Variants in PTPRA observed in about 807,000 individuals in gnomAD.
PTPRA encodes the protein protein tyrosine phosphatase receptor type A.
In PTPRA, 25 loss-of-function variants were observed where a neutral mutation model predicts 104.8. The observed-to-expected ratio is 0.24, with a 90% confidence interval of 0.17 to 0.33. The LOEUF (loss-of-function observed/expected upper bound fraction) is 0.33, where lower values mean the gene tolerates loss of function less well. Among genes scored for constraint, PTPRA ranks in the 10% least tolerant of loss-of-function variants. PTPRA has a pLI of 1.00. For missense variants in PTPRA, 765 were observed against 1,015.3 expected (o/e 0.75, Z 3.35); for synonymous variants, 323 against 368.9 (o/e 0.88, Z 1.43).
intron 6 of PTPRA, among the ~76,000 whole-genome samples, chr20:2,976,587 A>G (rs1418113388): frequency 2.0e-5 from 3 of 152,254 alleles, no homozygotes; most frequent in Non-Finnish European, 4.4e-5. Context: ...TCTTAAGTCA[A>G]AAAATAATTT....
intron 1 of PTPRA, among the ~76,000 whole-genome samples, chr20:2,910,213 A>G (rs1342366581): frequency 1.1e-5 from 1 of 91,924 alleles, no homozygotes; most frequent in Non-Finnish European, 2.1e-5. Flanking sequence ...ACTATATTGT[A>G]TATGATATAT....
chr20:2,947,939 C>T (rs1346194273), intron 2 of PTPRA, 43 bp from the exon 3 acceptor site: 2 of 892,796 alleles, frequency 2.2e-6, no homozygotes, highest in East Asian at 1.2e-4. Flanking sequence ...TTCACATAAC[C>T]TAGATACTCC....
At chr20:2,906,317 G>T (rs778167269) in intron 1 of PTPRA, among the ~76,000 whole-genome samples, 1 of 152,268 alleles carries the variant, frequency 6.6e-6, no homozygotes, top group Middle Eastern at 3.4e-3. Flanking sequence ...AGTCCTATTT[G>T]TGTTAGATAA....
chr20:2,955,169 T>C (rs2061493267), intron 3 of PTPRA, among the ~76,000 whole-genome samples: 1 of 152,250 alleles, frequency 6.6e-6, no homozygotes, highest in African/African-American at 2.4e-5. Flanking sequence ...TTTTTTACTT[T>C]ATGCAGATAA....
At chr20:2,932,123 G>C (rs1203273942) in intron 2 of PTPRA, among the ~76,000 whole-genome samples, 1 of 152,170 alleles carries the variant, frequency 6.6e-6, no homozygotes, top group Non-Finnish European at 1.5e-5. Context: ...GTGTCAAAGA[G>C]AACCAGGAAA....
chr20:2,991,109 T>C (rs1022014689), intron 9 of PTPRA, among the ~76,000 whole-genome samples: 1 of 152,136 alleles, frequency 6.6e-6, no homozygotes, highest in Non-Finnish European at 1.5e-5. Context: ...ATCCCAGCAC[T>C]TTGGGAGGCC....
rs575270752 is a variant in PTPRA, at chr20:2,915,081, CT to C, written c.-128-8114del. Reference sequence around the variant, plus strand: ...CATGTATCAGTACTTCATTCTTCTTCTTTTTTTTTTTTAAAGAGTTGGGGGT... The same window carrying C: ...CATGTATCAGTACTTCATTCTTCTTCTTTTTTTTTTTAAAGAGTTGGGGGT... On this transcript the variant is annotated intron_variant, in intron 1 of 23. Coordinates refer to ENST00000399903, the MANE Select transcript of PTPRA (RefSeq NM_001385305.1). Among the ~76,000 whole-genome samples the C allele has an allele frequency of 1.0e-3, 144 of 144,658 alleles. 1 individual carries two copies. The highest frequency in any genetic ancestry group is 3.6e-3 in the East Asian group (18 of 5,026). The allele number at this position is 144,658 out of a possible 152,430, so 94.9% of individuals were successfully genotyped here.
Position 2,879,144 on chromosome 20 carries a change from G to C in PTPRA, c.-129+5384G>C, listed in dbSNP as rs189269099. 2.2e-3 allele frequency among the ~76,000 whole-genome samples: 337 copies of C among 152,298 alleles called. 1 individual carries two copies. The highest frequency in any genetic ancestry group is 7.1e-3 in the African/African-American group (293 of 41,552). ...ATGGTAATTATAGATGTGATGAAAG[G>C]GGAAGAATAGGGTGTCGGGAGTGTC... On this transcript the variant is annotated intron_variant, in intron 1 of 23. Transcript: ENST00000399903.
intron 9 of PTPRA, among the ~76,000 whole-genome samples, chr20:2,989,824 T>C (rs967166932): frequency 2.0e-5 from 3 of 152,106 alleles, no homozygotes; most frequent in East Asian, 1.9e-4. Flanking sequence ...GAGACCATCC[T>C]GGCTAACACA....
intron 5 of PTPRA, among the ~76,000 whole-genome samples, chr20:2,971,311 C>CT (rs202178717): frequency 3.9e-4 from 58 of 149,090 alleles, no homozygotes; most frequent in Admixed American, 8.0e-4. Flanking sequence ...TTTCTGAAGT[C>CT]TTTTTTTTTT....
At chr20:3,021,679 G>A (rs1055283154) in intron 14 of PTPRA, among the ~76,000 whole-genome samples, 5 of 152,242 alleles carry the variant, frequency 3.3e-5, no homozygotes, top group Non-Finnish European at 5.9e-5. Context: ...TGGAAAGGGA[G>A]CATGGGGAGG....
chr20:3,031,725 T>C (rs971409835), intron 20 of PTPRA, among the ~76,000 whole-genome samples: 3 of 151,958 alleles, frequency 2.0e-5, no homozygotes, highest in Non-Finnish European at 4.4e-5. Context: ...ATGCCTCCAC[T>C]TTCTCAACAT....
Position 3,002,108 on chromosome 20 carries a change from C to G in PTPRA, c.739-2948C>G, listed in dbSNP as rs796436927. On this transcript the variant is annotated intron_variant, in intron 9 of 23. Transcript: ENST00000399903. ...TGAGCTATGATGGCGCCACTGCACT[C>G]CAGCCTGGGTGACAGAGCGAGACCC... is the stretch of plus-strand genomic sequence containing the variant. Among the ~76,000 whole-genome samples, 22 of 152,194 alleles carry G rather than the reference C, an allele frequency of 1.4e-4. 1 individual carries two copies. Among genetic ancestry groups the G allele is most frequent in the African/African-American group, 5.1e-4 (21 of 41,526 alleles).
At chr20:2,920,107 C>T (rs1185285439) in intron 1 of PTPRA, among the ~76,000 whole-genome samples, 1 of 152,190 alleles carries the variant, frequency 6.6e-6, no homozygotes, top group Admixed American at 6.5e-5. Flanking sequence ...AGTTTGCTAA[C>T]TCAATGAGTA....
At chr20:2,911,219 T>G (rs1471700604) in intron 1 of PTPRA, among the ~76,000 whole-genome samples, 1 of 152,180 alleles carries the variant, frequency 6.6e-6, no homozygotes, top group African/African-American at 2.4e-5. Context: ...TTCCTAGTTT[T>G]GTTAAGTGTT....
At chr20:2,933,977 T>C (rs2060600035) in intron 2 of PTPRA, among the ~76,000 whole-genome samples, 2 of 152,230 alleles carry the variant, frequency 1.3e-5, no homozygotes, top group African/African-American at 4.8e-5. Context: ...TTATTGGTAC[T>C]TATTTACATT....
chr20:2,997,978 A>C (rs766586030), intron 9 of PTPRA, among the ~76,000 whole-genome samples: 60 of 152,216 alleles, frequency 3.9e-4, no homozygotes, highest in Non-Finnish European at 7.8e-4. Context: ...AATTTTTTTT[A>C]ATTAGCCAGG....
chr20:3,025,197 G>A (rs1310564894), intron 17 of PTPRA, among the ~76,000 whole-genome samples: 4 of 152,192 alleles, frequency 2.6e-5, no homozygotes, highest in Non-Finnish European at 5.9e-5. Context: ...GCTCACGCCT[G>A]TAATCACAGC....
intron 9 of PTPRA, among the ~76,000 whole-genome samples, chr20:2,991,677 AT>A (rs1423711413): frequency 2.0e-5 from 3 of 152,174 alleles, no homozygotes. Context: ...TGACAGGTAA[AT>A]TCGGATAGAT....
Sources: gnomAD v4.1 joint callset for allele counts (sites outside exome capture counted in the v4.1 genomes callset) on GRCh38, gnomAD v4.1.1 for gene constraint, MANE v1.5 for transcripts, NCBI Gene and HGNC (gene_info 2026-07-23, HGNC 2026-07-21) for gene names.